Variants in BCAS1 observed in about 807,000 individuals in gnomAD.
BCAS1 encodes breast carcinoma-amplified sequence 1.
BCAS1 carries 46 observed loss-of-function variants against 65.4 expected under a neutral mutation model. The observed-to-expected ratio is 0.70, with a 90% confidence interval of 0.55 to 0.90. BCAS1 has a LOEUF of 0.90. Ranked by LOEUF, BCAS1 falls within the 40% of genes least tolerant of loss-of-function variation. The pLI is 0.00. For missense variants in BCAS1, 793 were observed against 771.2 expected, an observed-to-expected ratio of 1.03 and a Z score of -0.33; for synonymous variants, 298 against 293.5, an observed-to-expected ratio of 1.02 and a Z score of -0.16.
chr20:53,958,499 G>C (rs1014037929), intron 10 of BCAS1, among the ~76,000 whole-genome samples: 6 of 152,146 alleles, frequency 3.9e-5, no homozygotes, highest in African/African-American at 1.4e-4. Context: ...TATGGCCATG[G>C]CTGTTCTCTT....
intron 9 of BCAS1, among the ~76,000 whole-genome samples, chr20:53,974,340 A>G (rs887015938): frequency 6.6e-6 from 1 of 152,158 alleles, no homozygotes; most frequent in East Asian, 1.9e-4. Flanking sequence ...TGTAACACTC[A>G]CTGCGAAGGT....
chr20:54,063,473 G>A (rs902225139), intron 1 of BCAS1, among the ~76,000 whole-genome samples: 6 of 152,134 alleles, frequency 3.9e-5, no homozygotes, highest in African/African-American at 9.7e-5. Context: ...AGACTCTACC[G>A]AGGAATCCAG....
At chr20:54,043,355 T>A (rs892273705) in intron 3 of BCAS1, among the ~76,000 whole-genome samples, 4 of 152,126 alleles carry the variant, frequency 2.6e-5, no homozygotes, top group African/African-American at 9.7e-5. Context: ...ATAGCCATCT[T>A]TTTAGAGGGA....
chr20:54,057,213 G>A (rs62215592), intron 3 of BCAS1, among the ~76,000 whole-genome samples: 5 of 152,200 alleles, frequency 3.3e-5, no homozygotes, highest in Non-Finnish European at 5.9e-5. Flanking sequence ...CAATTCTGTT[G>A]TCTTTTATAA....
At chr20:53,999,628 A>G (rs1223560898) in intron 4 of BCAS1, among the ~76,000 whole-genome samples, 1 of 151,888 alleles carries the variant, frequency 6.6e-6, no homozygotes, top group Non-Finnish European at 1.5e-5. Context: ...CTCTTCTTTG[A>G]ACATGTCAAG....
At chr20:54,049,572 T>C (rs2092174221) in intron 3 of BCAS1, among the ~76,000 whole-genome samples, 2 of 118,894 alleles carry the variant, frequency 1.7e-5, no homozygotes, top group Admixed American at 1.5e-4. Context: ...TAGCCTCTAC[T>C]TTTTTTTTTT....
chr20:54,049,633 T>C (rs1351172714), intron 3 of BCAS1, among the ~76,000 whole-genome samples: 2 of 151,996 alleles, frequency 1.3e-5, no homozygotes, highest in African/African-American at 4.8e-5. Context: ...CTCAAACTCC[T>C]GGACTCAAGC....
intron 3 of BCAS1, among the ~76,000 whole-genome samples, chr20:54,047,560 A>G (rs1206783610): frequency 6.6e-6 from 1 of 152,224 alleles, no homozygotes; most frequent in African/African-American, 2.4e-5. Context: ...ACAGAGGCAC[A>G]AGGAGCTGTT....
chr20:54,044,076 T>C (rs769172768), intron 3 of BCAS1, among the ~76,000 whole-genome samples: 2 of 152,224 alleles, frequency 1.3e-5, no homozygotes, highest in Non-Finnish European at 2.9e-5. Flanking sequence ...TTTGGTGTGG[T>C]AAAAGGATAT....
intron 3 of BCAS1, among the ~76,000 whole-genome samples, chr20:54,039,738 A>G (rs948349034): frequency 1.3e-5 from 2 of 151,396 alleles, no homozygotes; most frequent in African/African-American, 4.8e-5. Flanking sequence ...GTTTACAACC[A>G]AAATAATTAA....
At chr20:53,967,170 T>A in intron 9 of BCAS1, 97 bp from the exon 10 acceptor site, 2 of 1,253,262 alleles carry the variant, frequency 1.6e-6, no homozygotes, top group Non-Finnish European at 1.1e-6. Flanking sequence ...CCTGTCCACA[T>A]AGTAGCTACA....
At chr20:54,018,302 A>G (rs2091481916) in intron 4 of BCAS1, among the ~76,000 whole-genome samples, 1 of 152,136 alleles carries the variant, frequency 6.6e-6, no homozygotes, top group Non-Finnish European at 1.5e-5. Context: ...GAAAGCTCCC[A>G]TGAAGTACAC....
chr20:53,957,313 CT>C, intron 11 of BCAS1, 118 bp downstream of exon 11: 1 of 904,446 alleles, frequency 1.1e-6, no homozygotes, highest in East Asian at 2.5e-5. Flanking sequence ...ATAGTAGGTG[CT>C]TAATCCTGAG....
chr20:54,007,843 T>C (rs576006286), intron 4 of BCAS1, among the ~76,000 whole-genome samples: 116 of 152,260 alleles, frequency 7.6e-4, no homozygotes, highest in African/African-American at 2.8e-3. Flanking sequence ...CTGGACATTA[T>C]AGAGAAAACA....
chr20:53,971,814 T>C (rs1365814367), intron 9 of BCAS1, among the ~76,000 whole-genome samples: 2 of 152,218 alleles, frequency 1.3e-5, no homozygotes, highest in Non-Finnish European at 2.9e-5. Flanking sequence ...GTTTCCATGG[T>C]CTTACAGGTT....
At chr20:53,962,688 A>G (rs1030643216) in intron 10 of BCAS1, among the ~76,000 whole-genome samples, 2 of 152,160 alleles carry the variant, frequency 1.3e-5, no homozygotes, top group African/African-American at 4.8e-5. Context: ...TTAGGGCATG[A>G]CAGATGTCTT....
At position 54,028,682 on chromosome 20, in the gene BCAS1, C is replaced by T. The variant is rs1303447334; in HGVS notation, c.433G>A (p.Gly145Arg). The change falls in exon 4 of 13, where the codon GGA (glycine) becomes AGA (arginine). Residue 145 changes from glycine (G) to arginine (R), a missense_variant. Gly to Arg is a moderately radical substitution (Grantham distance 125). Coordinates refer to ENST00000688948, the MANE Select transcript of BCAS1 (RefSeq NM_001366298.2). ...GTTTTATCTGTGTCCTGCCCCGGTC[C>T]AGCTGCCACCGGAAGTGTCCAGCTC... Reference protein sequence around the residue: ...SESWTLPVAAGPGQDTDKTPG... With the variant: ...SESWTLPVAARPGQDTDKTPG... 5 of 1,614,072 alleles carry T rather than the reference C, an allele frequency of 3.1e-6. No homozygotes were observed. The highest frequency in any genetic ancestry group is 1.3e-5 in the African/African-American group (1 of 74,922).
Position 53,948,489 on chromosome 20 carries a change from T to C in BCAS1, c.1816-3493A>G, listed in dbSNP as rs191704575. ...GTCTGCAGTCCCCCAAGGTAACATG[T>C]GGCTGGTGCTGAGGAGGGGCACCCC... On this transcript the variant is annotated intron_variant, in intron 12 of 12. Transcript: ENST00000688948. Among the ~76,000 whole-genome samples, 5 of 152,360 alleles carry C rather than the reference T, an allele frequency of 3.3e-5. No individual in the cohort carries two copies. The East Asian group carries it at 9.6e-4, about 29-fold the overall frequency.
intron 5 of BCAS1, 26 bp from the exon 6 acceptor site, chr20:53,995,082 T>C (rs1406241411): frequency 1.3e-6 from 2 of 1,588,278 alleles, no homozygotes; most frequent in African/African-American, 1.3e-5. Context: ...AAGCCAAATA[T>C]TAGAAATCAT....
Sources: gnomAD v4.1 joint callset for allele counts (sites outside exome capture counted in the v4.1 genomes callset) on GRCh38, gnomAD v4.1.1 for gene constraint, MANE v1.5 for transcripts, NCBI Gene and HGNC (gene_info 2026-07-23, HGNC 2026-07-21) for gene names.